Variants in WDR11 observed in about 807,000 individuals in gnomAD.
WDR11 encodes WD repeat-containing protein 11.
In WDR11, 83 loss-of-function variants were observed where a neutral mutation model predicts 151.2. The ratio of observed to expected loss-of-function variants is 0.55; its 90% confidence interval spans 0.46 to 0.66. The LOEUF is 0.66. Ranked by LOEUF, WDR11 falls within the 30% of genes least tolerant of loss-of-function variation. The probability of loss-of-function intolerance (pLI) is 0.00; values close to 1 mark genes in which losing one functional copy is unlikely to be tolerated. For synonymous variants in WDR11, 484 were observed against 533.1 expected (o/e 0.91, Z 1.27); for missense variants, 1,301 against 1,480.9 (o/e 0.88, Z 1.99).
chr10:120,904,358 C>T (rs1042250932), intron 24 of WDR11, among the ~76,000 whole-genome samples: 5 of 152,070 alleles, frequency 3.3e-5, no homozygotes, highest in African/African-American at 1.2e-4. Context: ...TTCCATAATG[C>T]CCAGTGGAGC....
In WDR11 at chr10:120,890,755, A is replaced by G. The variant is rs749288151; in HGVS notation, c.2383A>G (p.Thr795Ala). ...CAGTTTAAGAAGTGGCAGAAATGTG[A>G]CCTTTCGTATATTGGATGTGGACTG... ...VSSLRSGRNV[T>A]FRILDVDWCT... Residue 795 changes from threonine to alanine, a missense_variant, in exon 19 of 29, where the codon ACC becomes GCC. Transcript: ENST00000263461. 51 of 1,614,134 alleles carry G rather than the reference A, an allele frequency of 3.2e-5. 1 individual carries two copies. The Middle Eastern group carries it at 1.3e-3, about 42-fold the overall frequency.
At chr10:120,856,439 G>T (rs1278648905) in intron 2 of WDR11, among the ~76,000 whole-genome samples, 3 of 151,968 alleles carry the variant, frequency 2.0e-5, no homozygotes, top group Non-Finnish European at 4.4e-5. Flanking sequence ...GCCAGGCGTG[G>T]TGGTACACAC....
chr10:120,874,868 T>G (rs1477341915), intron 11 of WDR11, among the ~76,000 whole-genome samples: 1 of 151,924 alleles, frequency 6.6e-6, no homozygotes, highest in African/African-American at 2.4e-5. Context: ...TACATAGATA[T>G]ACATGTGCCT....
chr10:120,870,511 G>T (rs1052054998), intron 9 of WDR11, among the ~76,000 whole-genome samples: 2 of 152,138 alleles, frequency 1.3e-5, no homozygotes, highest in African/African-American at 4.8e-5. Flanking sequence ...TTTGAGACTT[G>T]CTAACCTAAG....
chr10:120,880,929 T>C, intron 13 of WDR11, 28 bp downstream of exon 13: 1 of 1,557,436 alleles, frequency 6.4e-7, no homozygotes, highest in South Asian at 1.2e-5. Flanking sequence ...AAAAAATCTA[T>C]GGTGTTATCA....
At chr10:120,880,512 G>C (rs1846961134) in intron 12 of WDR11, 14 of 334,674 alleles carry the variant, frequency 4.2e-5, no homozygotes, top group South Asian at 3.6e-4. Context: ...GTACAAAAAT[G>C]AGCTGGCGTG....
chr10:120,884,583 C>T (rs540966155), intron 14 of WDR11, among the ~76,000 whole-genome samples: 1 of 149,018 alleles, frequency 6.7e-6, no homozygotes, highest in South Asian at 2.1e-4. Context: ...CAGGAGGAGA[C>T]ATCAGAAGCT....
chr10:120,891,355 A>G (rs1847423725), intron 19 of WDR11, among the ~76,000 whole-genome samples: 2 of 152,322 alleles, frequency 1.3e-5, no homozygotes, highest in South Asian at 4.1e-4. Flanking sequence ...TGACCAGTCA[A>G]GCAAATTAGC....
In WDR11 at chr10:120,890,027, G is replaced by T. The variant is rs1399427755; in HGVS notation, c.2343+18G>T. On this transcript the variant is annotated intron_variant, in intron 18 of 28. Transcript: ENST00000263461. ...CTAAAGAGGTAGGCCCTCTCCATGA[G>T]GATAAAACGTAAATAAATTGTTAGC... 1 of 1,512,582 alleles carries T rather than the reference G, an allele frequency of 6.6e-7. No individual in the cohort carries two copies. Among genetic ancestry groups the T allele is most frequent in the Admixed American group, 1.7e-5 (1 of 59,646 alleles). 93.7% of individuals were successfully genotyped at this position (1,512,582 alleles called of 1,614,324 possible).
chr10:120,852,178 T>A (rs1379518080), intron 1 of WDR11: 3 of 314,096 alleles, frequency 9.6e-6, no homozygotes, highest in African/African-American at 4.3e-5. Context: ...AGTCGCAGTA[T>A]CCCCAGGCAC....
At chr10:120,892,424 A>G (rs1397290286) in intron 19 of WDR11, among the ~76,000 whole-genome samples, 1 of 152,234 alleles carries the variant, frequency 6.6e-6, no homozygotes, top group African/African-American at 2.4e-5. Context: ...CAAATTCAGA[A>G]CAACCCTTAA....
chr10:120,877,350 G>A (rs1363800330), intron 11 of WDR11, among the ~76,000 whole-genome samples: 2 of 152,034 alleles, frequency 1.3e-5, no homozygotes, highest in South Asian at 2.1e-4. Flanking sequence ...AAAATAATTT[G>A]TATTTTATAT....
At chr10:120,884,092 A>G (rs996499971) in intron 14 of WDR11, among the ~76,000 whole-genome samples, 1 of 152,148 alleles carries the variant, frequency 6.6e-6, no homozygotes, top group African/African-American at 2.4e-5. Context: ...GTGCAATTCC[A>G]ATTCAAGTTT....
At chr10:120,901,291 A>C (rs1847805206) in intron 21 of WDR11, among the ~76,000 whole-genome samples, 193 bp downstream of exon 21, 2 of 152,364 alleles carry the variant, frequency 1.3e-5, no homozygotes, top group South Asian at 4.1e-4. Context: ...TTCAGTAGTT[A>C]CAGTGACAGA....
At chr10:120,871,559 T>G (rs1846543621) in intron 10 of WDR11, among the ~76,000 whole-genome samples, 1 of 152,136 alleles carries the variant, frequency 6.6e-6, no homozygotes, top group African/African-American at 2.4e-5. Flanking sequence ...TGCTGAGTCT[T>G]CATCCACCTG....
At chr10:120,878,536 C>G in intron 12 of WDR11, 77 bp downstream of exon 12, 3 of 1,168,724 alleles carry the variant, frequency 2.6e-6, no homozygotes, top group Admixed American at 1.9e-5. Flanking sequence ...TTTGAAAGTA[C>G]TTCTTTCACC....
At chr10:120,900,596 C>T (rs1406834200) in intron 20 of WDR11, among the ~76,000 whole-genome samples, 2 of 152,162 alleles carry the variant, frequency 1.3e-5, no homozygotes, top group African/African-American at 4.8e-5. Flanking sequence ...TATTACTGAA[C>T]TCCTGCCATG....
chr10:120,869,105 G>GTTTTTTTTTTTT (rs1491035622), intron 9 of WDR11, among the ~76,000 whole-genome samples: 1 of 71,634 alleles, frequency 1.4e-5, no homozygotes, highest in Non-Finnish European at 3.3e-5. Flanking sequence ...ATAAATTACA[G>GTTTTTTTTTTTT]GTTTTTTTTT....
intron 11 of WDR11, among the ~76,000 whole-genome samples, chr10:120,874,969 C>A (rs1846712734): frequency 6.6e-6 from 1 of 151,882 alleles, no homozygotes; most frequent in Non-Finnish European, 1.5e-5. Flanking sequence ...TCCCCTTGCC[C>A]CTCAATCCCC....
Sources: gnomAD v4.1 joint callset for allele counts (sites outside exome capture counted in the v4.1 genomes callset) on GRCh38, gnomAD v4.1.1 for gene constraint, MANE v1.5 for transcripts, NCBI Gene and HGNC (gene_info 2026-07-23, HGNC 2026-07-21) for gene names.